The following EXOC4 variants were observed in gnomAD, a reference collection of about 807,000 sequenced individuals.
EXOC4 encodes the protein exocyst complex component 4.
Under a neutral mutation model 107.2 loss-of-function variants are expected in EXOC4, and 71 were observed. The ratio of observed to expected loss-of-function variants is 0.66; its 90% CI spans 0.55 to 0.81. The LOEUF (loss-of-function observed/expected upper bound fraction) is 0.81. EXOC4 is among the 30% of genes least tolerant of loss of function. The pLI is 0.00. For missense variants in EXOC4, 1,108 were observed against 1,189.6 expected, an observed-to-expected ratio of 0.93 and a Z score of 1.01; for synonymous variants, 456 against 441.2, an observed-to-expected ratio of 1.03 and a Z score of -0.42.
intron 10 of EXOC4, among the ~76,000 whole-genome samples, chr7:133,675,926 C>A (rs1277607290): frequency 6.6e-6 from 1 of 152,052 alleles, no homozygotes; most frequent in Admixed American, 6.6e-5. Flanking sequence ...TCTTCTCAGG[C>A]AAATTGTTAG....
Position 133,552,147 on chromosome 7 carries a change from AGTT to A in EXOC4, c.1417+72013_1417+72015del, listed in dbSNP as rs145137178. Among the ~76,000 whole-genome samples, 1,007 of 152,308 alleles carry A rather than the reference AGTT, an allele frequency of 6.6e-3. 12 individuals are homozygous for A. Among genetic ancestry groups the A allele is most frequent in the African/African-American group, 0.023 (951 of 41,562 alleles). Reference sequence around the variant, plus strand: ...TTGCATTCTGACTACATGATATTGCAGTTGTTTTATATCATTAAGAACCTTTGA... The same window carrying A: ...TTGCATTCTGACTACATGATATTGCAGTTTTATATCATTAAGAACCTTTGA... On this transcript the variant is annotated intron_variant, in intron 9 of 17. Transcript: ENST00000253861.
chr7:133,450,639 T>C (rs1028167589), intron 7 of EXOC4, among the ~76,000 whole-genome samples: 4 of 152,234 alleles, frequency 2.6e-5, no homozygotes, highest in Non-Finnish European at 4.4e-5. Context: ...GTTTTACTGC[T>C]AGTAATCAAT....
downstream of EXOC4, among the ~76,000 whole-genome samples, chr7:134,068,607 T>C (rs2116658971): frequency 6.6e-6 from 1 of 152,288 alleles, no homozygotes; most frequent in Non-Finnish European, 1.5e-5. Context: ...ATCTTGCCCA[T>C]CCTTAGGTAC....
At chr7:133,649,053 C>G (rs1430144970) in intron 10 of EXOC4, among the ~76,000 whole-genome samples, 1 of 152,142 alleles carries the variant, frequency 6.6e-6, no homozygotes, top group Non-Finnish European at 1.5e-5. Flanking sequence ...ACCACTCATA[C>G]AGGGAAAAGT....
chr7:133,801,888 TG>T (rs1471611954), intron 10 of EXOC4, among the ~76,000 whole-genome samples: 1 of 152,246 alleles, frequency 6.6e-6, no homozygotes, highest in African/African-American at 2.4e-5. Flanking sequence ...ATGTGCATTT[TG>T]CCCACCCACT....
At chr7:133,357,021 G>C (rs1796036969) in intron 6 of EXOC4, among the ~76,000 whole-genome samples, 1 of 152,122 alleles carries the variant, frequency 6.6e-6, no homozygotes, top group African/African-American at 2.4e-5. Context: ...AACTTTGATT[G>C]GTAAAACAGC....
At chr7:133,663,471 T>C in intron 10 of EXOC4, among the ~76,000 whole-genome samples, 1 of 152,214 alleles carries the variant, frequency 6.6e-6, no homozygotes, top group South Asian at 2.1e-4. Context: ...TTGCTTAACA[T>C]GTCCACTTCC....
At chr7:133,810,421 G>A (rs1013145045) in intron 10 of EXOC4, among the ~76,000 whole-genome samples, 4 of 152,110 alleles carry the variant, frequency 2.6e-5, no homozygotes, top group African/African-American at 7.2e-5. Context: ...TTCATAGTGT[G>A]TCCTCATGTG....
intron 10 of EXOC4, among the ~76,000 whole-genome samples, chr7:133,717,595 C>G (rs923370635): frequency 6.6e-6 from 1 of 152,172 alleles, no homozygotes; most frequent in Admixed American, 6.5e-5. Context: ...CAGTGCCCAG[C>G]ACGGTACTTG....
At position 133,755,261 on chromosome 7, in the gene EXOC4, A is replaced by AT. The variant is rs1309108016; in HGVS notation, c.1515-62063dup. ...TATATATAATATATATATTATATAT[A>AT]TATTATATATATTATATATATTATA... On this transcript the variant is annotated intron_variant, in intron 10 of 17. Coordinates refer to ENST00000253861, the MANE Select transcript of EXOC4 (RefSeq NM_021807.4). Among the ~76,000 whole-genome samples, 82 of 76,310 alleles carry AT rather than the reference A, an allele frequency of 1.1e-3. 1 individual carries two copies. The highest frequency in any genetic ancestry group is 4.3e-3 in the African/African-American group (75 of 17,314). The allele number at this position is 76,310 out of a possible 152,430, so 50.1% of individuals were successfully genotyped here.
chr7:133,728,366 A>G (rs1192256933), intron 10 of EXOC4, among the ~76,000 whole-genome samples: 3 of 152,136 alleles, frequency 2.0e-5, no homozygotes, highest in Non-Finnish European at 4.4e-5. Context: ...TTTTATTGAG[A>G]CTTTGTATTG....
intron 9 of EXOC4, among the ~76,000 whole-genome samples, chr7:133,603,522 T>TA (rs1381426275): frequency 6.6e-6 from 1 of 152,230 alleles, no homozygotes; most frequent in African/African-American, 2.4e-5. Context: ...TCGCTCCTGA[T>TA]ATAGTTTATG....
intron 17 of EXOC4, among the ~76,000 whole-genome samples, chr7:134,035,068 C>G (rs1795357789): frequency 1.5e-5 from 2 of 129,558 alleles, no homozygotes; most frequent in African/African-American, 3.0e-5. Flanking sequence ...TTTTTTGAGA[C>G]AGAGTCTCAC....
intron 10 of EXOC4, among the ~76,000 whole-genome samples, chr7:133,683,259 G>A (rs1444235370): frequency 1.3e-5 from 2 of 152,096 alleles, no homozygotes; most frequent in African/African-American, 4.8e-5. Flanking sequence ...CCTTCTTCCA[G>A]GTCAACAGGC....
intron 10 of EXOC4, among the ~76,000 whole-genome samples, chr7:133,799,387 A>T (rs1455647676): frequency 6.6e-6 from 1 of 152,196 alleles, no homozygotes; most frequent in African/African-American, 2.4e-5. Context: ...TGTGGGACAC[A>T]TTCTCATCGA....
chr7:133,331,919 A>G (rs1563022369), intron 5 of EXOC4, among the ~76,000 whole-genome samples: 1 of 152,220 alleles, frequency 6.6e-6, no homozygotes, highest in Non-Finnish European at 1.5e-5. Context: ...TTTGTAATGC[A>G]CAGAGAAACT....
intron 11 of EXOC4, among the ~76,000 whole-genome samples, chr7:133,843,655 C>T (rs974969628): frequency 7.3e-5 from 11 of 151,214 alleles, no homozygotes; most frequent in Admixed American, 3.3e-4. Flanking sequence ...GATGCCTTTT[C>T]TTTTTTTTTG....
chr7:133,752,289 T>C (rs1327996168), intron 10 of EXOC4, among the ~76,000 whole-genome samples: 1 of 152,222 alleles, frequency 6.6e-6, no homozygotes, highest in African/African-American at 2.4e-5. Context: ...AGGCGGACTC[T>C]GTGATGAAGA....
intron 12 of EXOC4, among the ~76,000 whole-genome samples, chr7:133,916,544 T>C (rs1274672264): frequency 6.6e-6 from 1 of 152,222 alleles, no homozygotes; most frequent in African/African-American, 2.4e-5. Context: ...GCTGCAGTCA[T>C]AGATGTGAAC....
Sources: allele counts gnomAD v4.1 joint callset (sites outside exome capture counted in the v4.1 genomes callset), GRCh38; gene constraint gnomAD v4.1.1; transcripts MANE v1.5; gene names NCBI Gene and HGNC (gene_info 2026-07-23, HGNC 2026-07-21).